The following ADGRL2 variants were observed in gnomAD, a reference collection of about 807,000 sequenced individuals.
ADGRL2 encodes the protein calcium-independent alpha-latrotoxin receptor 2.
A neutral mutation model predicts 157.4 loss-of-function variants in ADGRL2; 44 were observed. The ratio of observed to expected loss-of-function variants is 0.28; its 90% CI spans 0.22 to 0.36. The LOEUF (loss-of-function observed/expected upper bound fraction) is 0.36. Among genes scored for constraint, ADGRL2 ranks in the 10% least tolerant of loss-of-function variants. The pLI is 1.00. For synonymous variants in ADGRL2, 585 were observed against 624.7 expected, an observed-to-expected ratio of 0.94 and a Z score of 0.95; for missense variants, 1,510 against 1,768.9, an observed-to-expected ratio of 0.85 and a Z score of 2.63.
chr1:81,322,091 T>TATATATACAC (rs1553153256), intron 1 of ADGRL2, among the ~76,000 whole-genome samples: 2 of 98,308 alleles, frequency 2.0e-5, no homozygotes, highest in African/African-American at 6.5e-5. Context: ...CTAATTCATA[T>TATATATACAC]ATATATATAT....
At chr1:81,491,442 C>CA (rs145421591) in intron 2 of ADGRL2, among the ~76,000 whole-genome samples, 18 of 149,378 alleles carry the variant, frequency 1.2e-4, no homozygotes, top group African/African-American at 3.4e-4. Flanking sequence ...TACTCTGCTT[C>CA]AAAAAAAAAG....
intron 2 of ADGRL2, among the ~76,000 whole-genome samples, chr1:81,874,690 GCTTCT>G (rs988920859): frequency 4.1e-5 from 6 of 146,010 alleles, no homozygotes; most frequent in African/African-American, 1.0e-4. Context: ...TTGCCTCTTC[GCTTCT>G]CTTCTCTTCT....
intron 2 of ADGRL2, among the ~76,000 whole-genome samples, chr1:81,877,344 G>C (rs888941400): frequency 1.3e-5 from 2 of 151,972 alleles, no homozygotes; most frequent in African/African-American, 4.8e-5. Flanking sequence ...TACCCTTTCT[G>C]TGCTTTGTTT....
At chr1:81,725,874 T>A (rs1346108660) in intron 1 of ADGRL2, among the ~76,000 whole-genome samples, 3 of 152,150 alleles carry the variant, frequency 2.0e-5, no homozygotes, top group African/African-American at 7.2e-5. Context: ...TCCCCGCTAG[T>A]TGCGGGGCTG....
intron 2 of ADGRL2, among the ~76,000 whole-genome samples, chr1:81,874,524 T>C (rs1240471009): frequency 6.6e-6 from 1 of 152,032 alleles, no homozygotes; most frequent in Non-Finnish European, 1.5e-5. Flanking sequence ...TGAAAGTGTA[T>C]CCTTGAGTTT....
At chr1:81,844,230 AT>A (rs1247025913) in intron 2 of ADGRL2, among the ~76,000 whole-genome samples, 1 of 152,150 alleles carries the variant, frequency 6.6e-6, no homozygotes, top group African/African-American at 2.4e-5. Context: ...TTACACAGTT[AT>A]TTTTATAGTT....
intron 23 of ADGRL2, chr1:81,989,659 A>T: frequency 6.2e-7 from 1 of 1,609,490 alleles, no homozygotes; most frequent in Non-Finnish European, 8.5e-7. Context: ...TATATCAGCT[A>T]CTCTTAGGCC....
intron 2 of ADGRL2, among the ~76,000 whole-genome samples, chr1:81,577,620 C>T (rs1215040829): frequency 6.6e-6 from 1 of 152,112 alleles, no homozygotes; most frequent in Non-Finnish European, 1.5e-5. Context: ...ACTTTCCTTT[C>T]CCAAACCAAA....
chr1:81,364,553 T>A (rs147629515), intron 1 of ADGRL2, among the ~76,000 whole-genome samples: 15 of 152,086 alleles, frequency 9.9e-5, no homozygotes, highest in Admixed American at 9.8e-4. Flanking sequence ...CACTTTACTA[T>A]GAAAATTACT....
At chr1:81,513,313 T>C (rs1017946235) in intron 2 of ADGRL2, among the ~76,000 whole-genome samples, 2 of 152,148 alleles carry the variant, frequency 1.3e-5, no homozygotes, top group Non-Finnish European at 2.9e-5. Flanking sequence ...GAATAGACAA[T>C]GGGTGTTGTT....
chr1:81,418,622 C>T (rs2077073100), intron 1 of ADGRL2, among the ~76,000 whole-genome samples: 1 of 151,958 alleles, frequency 6.6e-6, no homozygotes, highest in Non-Finnish European at 1.5e-5. Context: ...GGCGTGGTGG[C>T]AGGCGCCTGC....
At chr1:81,927,399 A>G (rs1001373970) in intron 3 of ADGRL2, among the ~76,000 whole-genome samples, 1 of 152,020 alleles carries the variant, frequency 6.6e-6, no homozygotes, top group South Asian at 2.1e-4. Context: ...AATAATTTTT[A>G]TGCAATTTCA....
At chr1:81,563,922 A>C (rs1257870819) in intron 2 of ADGRL2, among the ~76,000 whole-genome samples, 1 of 152,194 alleles carries the variant, frequency 6.6e-6, no homozygotes, top group Non-Finnish European at 1.5e-5. Flanking sequence ...TCATCAACTC[A>C]TTAATAAAAC....
At chr1:81,847,780 A>G (rs2092848135) in intron 2 of ADGRL2, among the ~76,000 whole-genome samples, 2 of 151,962 alleles carry the variant, frequency 1.3e-5, no homozygotes, top group Non-Finnish European at 2.9e-5. Flanking sequence ...GCATTTTAAT[A>G]CAAATGTTTT....
At chr1:81,348,056 C>T (rs1306549820) in intron 1 of ADGRL2, among the ~76,000 whole-genome samples, 7 of 152,296 alleles carry the variant, frequency 4.6e-5, no homozygotes, top group Middle Eastern at 3.4e-3. Flanking sequence ...TTTCAGCCAA[C>T]CAGGTAGCCA....
rs1391947051 is a variant in ADGRL2 at position 81,966,594 on chromosome 1, C to G, written c.2334C>G (p.Thr778=). 1.2e-6 allele frequency: 2 copies of G among 1,613,554 alleles called. No individual in the cohort carries two copies. Among genetic ancestry groups the G allele is most frequent in the South Asian group, 2.2e-5 (2 of 91,062 alleles). The change falls in exon 13 of 24, where the codon ACC becomes ACG. Residue 778 remains threonine (T), a synonymous_variant. Transcript: ENST00000686636. ...ACCTGACTGATCCTGTGCTTTTTAC[C>G]CTGCCACACATTGATGTAAGTTAAT... ...RVYLTDPVLF[T]LPHIDPDNYF...
intron 3 of ADGRL2, among the ~76,000 whole-genome samples, chr1:81,921,367 G>C (rs544353485): frequency 6.6e-6 from 1 of 152,040 alleles, no homozygotes; most frequent in African/African-American, 2.4e-5. Context: ...TCTGCAAAAC[G>C]TGTAAAAAAT....
rs1447218753 is a variant in ADGRL2 at position 81,412,911 on chromosome 1, C to G, written c.-301-32125C>G. 7.9e-5 allele frequency among the ~76,000 whole-genome samples: 12 copies of G among 152,168 alleles called. No homozygotes were observed. The East Asian group carries it at 1.9e-3, about 24-fold the overall frequency. On this transcript the variant is annotated intron_variant, in intron 1 of 24. Coordinates refer to the ADGRL2 transcript ENST00000370721. ...TTTGAAAAAAAATTCAGTCATTTTT[C>G]TACCTTATCTTTAATTACTATTCTT...
intron 2 of ADGRL2, among the ~76,000 whole-genome samples, chr1:81,506,480 G>A (rs2078978170): frequency 6.6e-6 from 1 of 152,056 alleles, no homozygotes; most frequent in Non-Finnish European, 1.5e-5. Context: ...AGGCTGAGGT[G>A]GGAAGGATCA....
Sources: gnomAD v4.1 joint callset for allele counts (sites outside exome capture counted in the v4.1 genomes callset) on GRCh38, gnomAD v4.1.1 for gene constraint, MANE v1.5 for transcripts, NCBI Gene and HGNC (gene_info 2026-07-23, HGNC 2026-07-21) for gene names.